CADPS2: variants seen among roughly 807,000 people sequenced by gnomAD.
CADPS2 encodes calcium dependent secretion activator 2, also known as calcium-dependent secretion activator 2.
In CADPS2, 93 loss-of-function variants were observed where a neutral mutation model predicts 172.5. That is an observed-to-expected ratio of 0.54 (90% CI 0.46 to 0.64). The LOEUF (loss-of-function observed/expected upper bound fraction) is 0.64, where lower values mean the gene tolerates loss of function less well. CADPS2 is among the 30% of genes least tolerant of loss of function. CADPS2 has a pLI of 0.00. For synonymous variants in CADPS2, 546 were observed against 555.2 expected, an observed-to-expected ratio of 0.98 and a Z score of 0.23; for missense variants, 1,420 against 1,565.9, an observed-to-expected ratio of 0.91 and a Z score of 1.57.
At chr7:122,378,544 T>C (rs113533191) in intron 25 of CADPS2, among the ~76,000 whole-genome samples, 17,391 of 152,118 alleles carry the variant, frequency 0.11, 1,226 homozygotes, top group Non-Finnish European at 0.15. Flanking sequence ...AAACAGGATG[T>C]CTTTTGTCTG....
chr7:122,473,950 C>T (rs1008204062), intron 13 of CADPS2, among the ~76,000 whole-genome samples: 3 of 152,138 alleles, frequency 2.0e-5, no homozygotes, highest in Non-Finnish European at 4.4e-5. Context: ...CCTTCCCCTG[C>T]CACTTAGGTT....
intron 6 of CADPS2, among the ~76,000 whole-genome samples, chr7:122,589,808 T>C (rs1254516974): frequency 1.3e-5 from 2 of 151,880 alleles, no homozygotes; most frequent in African/African-American, 2.4e-5. Flanking sequence ...ATAATGATAG[T>C]AGGGACTTCT....
chr7:122,615,152 C>T (rs934839291), intron 6 of CADPS2, 29 bp downstream of exon 6: 1 of 1,344,736 alleles, frequency 7.4e-7, no homozygotes, highest in East Asian at 2.5e-5. Flanking sequence ...CAAACAACAA[C>T]AATAATACAC....
At chr7:122,588,970 T>C (rs1383171793) in intron 6 of CADPS2, among the ~76,000 whole-genome samples, 1 of 151,978 alleles carries the variant, frequency 6.6e-6, no homozygotes, top group Non-Finnish European at 1.5e-5. Context: ...CATGCCTTCT[T>C]GAGAACTGGG....
At chr7:122,765,389 TCCAGAACAGTGC>T (rs1486108641) in intron 1 of CADPS2, among the ~76,000 whole-genome samples, 1 of 152,132 alleles carries the variant, frequency 6.6e-6, no homozygotes, top group Non-Finnish European at 1.5e-5. Context: ...ACAGCCATCA[TCCAGAACAGTGC>T]CCAGAACATG....
chr7:122,543,397 A>G (rs2063299057), intron 8 of CADPS2, among the ~76,000 whole-genome samples: 1 of 152,106 alleles, frequency 6.6e-6, no homozygotes, highest in African/African-American at 2.4e-5. Flanking sequence ...TTTAAGTATC[A>G]CTATTATTAC....
At chr7:122,720,387 G>A (rs1215426956) in intron 2 of CADPS2, among the ~76,000 whole-genome samples, 2 of 151,456 alleles carry the variant, frequency 1.3e-5, no homozygotes, top group Non-Finnish European at 2.9e-5. Context: ...TTCAGGTACT[G>A]TGAAAGCATA....
chr7:122,595,767 G>T (rs916285405), intron 6 of CADPS2, among the ~76,000 whole-genome samples: 1 of 152,028 alleles, frequency 6.6e-6, no homozygotes, highest in African/African-American at 2.4e-5. Context: ...AAGTAGAATG[G>T]GAGCAATAGG....
intron 9 of CADPS2, among the ~76,000 whole-genome samples, chr7:122,494,032 C>T (rs1586610823): frequency 6.6e-6 from 1 of 152,032 alleles, no homozygotes; most frequent in Non-Finnish European, 1.5e-5. Context: ...GAAAGTACTT[C>T]GTAGAAATGG....
At chr7:122,448,838 T>C (rs986976732) in intron 15 of CADPS2, among the ~76,000 whole-genome samples, 2 of 152,052 alleles carry the variant, frequency 1.3e-5, no homozygotes, top group Non-Finnish European at 1.5e-5. Context: ...TATAGAAAAA[T>C]ATAGCTTCTA....
At chr7:122,673,788 C>T (rs1327011989) in intron 2 of CADPS2, among the ~76,000 whole-genome samples, 1 of 152,220 alleles carries the variant, frequency 6.6e-6, no homozygotes, top group African/African-American at 2.4e-5. Context: ...GGCAGAGCTG[C>T]CCACCAGTCC....
At chr7:122,403,521 G>A (rs55997702) in intron 20 of CADPS2, among the ~76,000 whole-genome samples, 2,381 of 152,246 alleles carry the variant, frequency 0.016, 43 homozygotes, top group East Asian at 0.087. Flanking sequence ...AAGATGATAT[G>A]TAGTCAATGT....
At chr7:122,402,078 ACCTT>A (rs995953801) in intron 20 of CADPS2, among the ~76,000 whole-genome samples, 15 of 152,014 alleles carry the variant, frequency 9.9e-5, no homozygotes, top group African/African-American at 3.6e-4. Context: ...GCTGTCTTGA[ACCTT>A]CCCTCACTAA....
At chr7:122,452,291 G>A (rs1177232706) in intron 14 of CADPS2, among the ~76,000 whole-genome samples, 1 of 152,184 alleles carries the variant, frequency 6.6e-6, no homozygotes, top group Admixed American at 6.5e-5. Context: ...GGGAAAAAAA[G>A]TATGAATCTC....
At chr7:122,464,708 T>G (rs2054905845) in intron 14 of CADPS2, among the ~76,000 whole-genome samples, 1 of 152,096 alleles carries the variant, frequency 6.6e-6, no homozygotes, top group African/African-American at 2.4e-5. Context: ...AGACATTTGA[T>G]AAAACACTTG....
chr7:122,391,939 T>A lies in CADPS2; in HGVS notation c.3008+1257A>T, dbSNP rs1378534372. On this transcript the variant is annotated intron_variant, in intron 22 of 29. Transcript: ENST00000449022. ...TTTTGCCTCTGTCACTTATTTGCTG[T>A]GAGATATTGGGTAAGTTTGGTTTCT... Among the ~76,000 whole-genome samples, 3 of 152,006 alleles carry A rather than the reference T, an allele frequency of 2.0e-5. No individual in the cohort carries two copies. In the East Asian group the frequency reaches 5.8e-4, roughly 29 times the overall value.
chr7:122,870,055 A>G lies in CADPS2; in HGVS notation c.339+15944T>C, dbSNP rs776794678. On this transcript the variant is annotated intron_variant, in intron 1 of 29. Coordinates refer to ENST00000449022, the MANE Select transcript of CADPS2 (RefSeq NM_017954.11). ...GAGAGGAACAAAGGATCTACATATT[A>G]ACCAGAAAATAATTAACAAAATTTA... Among the ~76,000 whole-genome samples, 127 of 152,142 alleles carry G rather than the reference A, an allele frequency of 8.3e-4. 1 individual carries two copies. Among genetic ancestry groups the G allele is most frequent in the Admixed American group, 9.8e-4 (15 of 15,278 alleles).
At chr7:122,494,221 C>G (rs143472172) in intron 9 of CADPS2, among the ~76,000 whole-genome samples, 10 of 152,148 alleles carry the variant, frequency 6.6e-5, no homozygotes, top group Admixed American at 1.3e-4. Flanking sequence ...AGCCTGCTGG[C>G]CTTTCTGGAG....
Position 122,745,596 on chromosome 7 carries a change from GTTTTAGCCTAAA to G in CADPS2, c.340-8540_340-8529del, listed in dbSNP as rs1270300311. On this transcript the variant is annotated intron_variant, in intron 1 of 29. Coordinates refer to ENST00000449022, the MANE Select transcript of CADPS2 (RefSeq NM_017954.11). Reference sequence around the variant, plus strand: ...AAAGTGGCTTTAGGATAAGAACTTGGTTTTAGCCTAAAACCAAGTTCTTATCCTAAAGCCGCT... The same window carrying G: ...AAAGTGGCTTTAGGATAAGAACTTGGACCAAGTTCTTATCCTAAAGCCGCT... Among the ~76,000 whole-genome samples the G allele has an allele frequency of 3.4e-5, 5 of 147,000 alleles. No individual in the cohort carries two copies. In the East Asian group the frequency reaches 1.1e-3, roughly 31 times the overall value.
Sources: gnomAD v4.1 joint callset for allele counts (sites outside exome capture counted in the v4.1 genomes callset) on GRCh38, gnomAD v4.1.1 for gene constraint, MANE v1.5 for transcripts, NCBI Gene and HGNC (gene_info 2026-07-23, HGNC 2026-07-21) for gene names.